Variants in RBBP9 observed in about 807,000 individuals in gnomAD.
RBBP9 encodes the protein serine hydrolase RBBP9.
Under a neutral mutation model 24.2 loss-of-function variants are expected in RBBP9, and 20 were observed. The ratio of observed to expected loss-of-function variants is 0.83; its 90% CI spans 0.58 to 1.20. The LOEUF (loss-of-function observed/expected upper bound fraction) is 1.20. Ranked by LOEUF, RBBP9 falls within the 50% of genes most tolerant of loss-of-function variation. The pLI, the probability that RBBP9 is intolerant of heterozygous loss-of-function variation, is 0.00. For missense variants in RBBP9, 234 were observed against 233.6 expected (o/e 1.00, Z -0.01); for synonymous variants, 74 against 84.6 (o/e 0.87, Z 0.69).
Position 18,489,898 on chromosome 20 carries a change from A to C in RBBP9, c.427T>G (p.Trp143Gly). The change falls in exon 5 of 5, where the codon TGG becomes GGG. Residue 143 changes from tryptophan (W) to glycine (G), a missense_variant. Transcript: ENST00000337227. ...TCGGCCACTTCTTGTTGTTCCTTCC[A>C]GGGAAGGAACGGGTCGTCAGTAGAG... is the stretch of plus-strand genomic sequence containing the variant. ...FGSTDDPFLP[W>G]KEQQEVADRL... is the part of the protein sequence containing the mutation. The C allele has an allele frequency of 1.2e-6, 2 of 1,613,414 alleles. No individual in the cohort carries two copies. Among genetic ancestry groups the C allele is most frequent in the Non-Finnish European group, 1.7e-6 (2 of 1,179,386 alleles).
Position 18,489,691 on chromosome 20 carries a change from G to A in RBBP9, c.*73C>T. 2 of 995,974 alleles carry A rather than the reference G, an allele frequency of 2.0e-6. No homozygotes were observed. The highest frequency in any genetic ancestry group is 1.5e-6 in the Non-Finnish European group (1 of 650,344). The allele number at this position is 995,974 out of a possible 1,614,324, so 61.7% of individuals were successfully genotyped here. On this transcript the variant is annotated 3_prime_UTR_variant, in exon 5 of 5. Transcript: ENST00000337227. ...CGGAACTTAACTGGATGTTCTATGT[G>A]TCTAGTAATCAGCTGATAGTAGATA... is the stretch of plus-strand genomic sequence containing the variant.
Position 18,497,088 on chromosome 20 carries a change from A to G in RBBP9, c.80T>C (p.Val27Ala). 3 of 1,590,834 alleles carry G rather than the reference A, an allele frequency of 1.9e-6. No individual in the cohort carries two copies. The highest frequency in any genetic ancestry group is 2.6e-6 in the Non-Finnish European group (3 of 1,170,774). ...DVTTHGWYGW[V>A]KKELEKIPGF... is the part of the protein sequence containing the mutation. ...GCTTACCTTCTCCAGCTCCTTTTTC[A>G]CCCAGCCATACCAGCCGTGGGTGGT... Residue 27 changes from valine (V) to alanine (A), a missense_variant, in exon 1 of 5, where the codon GTG (valine) becomes GCG (alanine). By Grantham distance (64) the Val-to-Ala change is moderately conservative (BLOSUM62 0). Transcript: ENST00000337227.
intron 3 of RBBP9, among the ~76,000 whole-genome samples, chr20:18,491,241 C>T (rs560666996): frequency 4.6e-5 from 7 of 152,156 alleles, no homozygotes; most frequent in Non-Finnish European, 7.3e-5. Flanking sequence ...CTGTATAATA[C>T]CAGAAATGTA....
intron 3 of RBBP9, among the ~76,000 whole-genome samples, chr20:18,491,082 G>A (rs1011615154): frequency 4.6e-5 from 7 of 152,218 alleles, no homozygotes; most frequent in African/African-American, 1.7e-4. Flanking sequence ...CACTTGGTTG[G>A]TGAACATGCA....
At chr20:18,496,992 A>G in intron 1 of RBBP9, 77 bp downstream of exon 1, 1 of 1,250,904 alleles carries the variant, frequency 8.0e-7, no homozygotes, top group Non-Finnish European at 1.2e-6. Flanking sequence ...ACGCCTATTC[A>G]AACTTCAGCC....
In RBBP9 at chr20:18,489,872, A is replaced by G; in HGVS notation, c.453T>C (p.Asp151=). The part of the protein sequence containing the change: ...LPWKEQQEVA[D]RLETKLHKFT... ...ATTTGTGCAATTTGGTTTCCAACCT[A>G]TCGGCCACTTCTTGTTGTTCCTTCC... Residue 151 remains aspartate, a synonymous_variant, in exon 5 of 5, where the codon GAT becomes GAC. Coordinates refer to ENST00000337227, the MANE Select transcript of RBBP9 (RefSeq NM_006606.3). 2 of 1,614,002 alleles carry G rather than the reference A, an allele frequency of 1.2e-6. No individual in the cohort carries two copies. Among genetic ancestry groups the G allele is most frequent in the Non-Finnish European group, 1.7e-6 (2 of 1,179,918 alleles).
intron 2 of RBBP9, 24 bp downstream of exon 2, chr20:18,495,814 T>A: frequency 6.5e-7 from 1 of 1,538,596 alleles, no homozygotes; most frequent in South Asian, 1.1e-5. Context: ...GATGAGGCTA[T>A]TTAAAAACAA....
intron 3 of RBBP9, among the ~76,000 whole-genome samples, chr20:18,491,955 G>A (rs564786009): frequency 1.2e-4 from 18 of 152,036 alleles, no homozygotes; most frequent in African/African-American, 4.1e-4. Context: ...AAATTAGCCA[G>A]GTGTGGTGGC....
chr20:18,494,307 C>T (rs1330843005), intron 2 of RBBP9, among the ~76,000 whole-genome samples: 5 of 122,626 alleles, frequency 4.1e-5, no homozygotes, highest in Non-Finnish European at 8.1e-5. Context: ...TTTTGGTTTA[C>T]CATGTTCTTG....
chr20:18,491,216 G>A (rs768157049), intron 3 of RBBP9, among the ~76,000 whole-genome samples: 1 of 152,208 alleles, frequency 6.6e-6, no homozygotes, highest in Admixed American at 6.5e-5. Flanking sequence ...TCTGTGAACT[G>A]TATTTTAAGA....
intron 1 of RBBP9, among the ~76,000 whole-genome samples, chr20:18,496,498 G>C (rs912547980): frequency 1.3e-5 from 2 of 152,142 alleles, no homozygotes; most frequent in East Asian, 3.8e-4. Context: ...TGTTTAAAAG[G>C]TATATTCATA....
In RBBP9 at chr20:18,488,313, G is replaced by A. The variant is rs893558353; in HGVS notation, c.*1451C>T. The A allele has an allele frequency of 6.6e-6, 1 of 151,926 alleles. No individual in the cohort carries two copies. The highest frequency in any genetic ancestry group is 2.4e-5 in the African/African-American group (1 of 41,320). The allele number at this position is 151,926 out of a possible 1,614,324, so 9.4% of individuals were successfully genotyped here. ...GACAGGTTCTTCGCTCCATCACCCAGGATGGAGTACAGTGGCGCGATCATA... is the reference window on the plus strand; with the variant it reads ...GACAGGTTCTTCGCTCCATCACCCAAGATGGAGTACAGTGGCGCGATCATA... On this transcript the variant is annotated 3_prime_UTR_variant, in exon 5 of 5. Coordinates refer to ENST00000337227, the MANE Select transcript of RBBP9 (RefSeq NM_006606.3).
rs185679612 is a variant in RBBP9 at position 18,492,530 on chromosome 20, A to G, written c.248+1428T>C. ...GGTGATGCTGTGTCCTTCCCATGCC[A>G]TTACATCAGGGGACACATGATGCCA... is the stretch of plus-strand genomic sequence containing the variant. On this transcript the variant is annotated intron_variant, in intron 3 of 4. Coordinates refer to ENST00000337227, the MANE Select transcript of RBBP9 (RefSeq NM_006606.3). Among the ~76,000 whole-genome samples, 13 of 152,314 alleles carry G rather than the reference A, an allele frequency of 8.5e-5. No individual in the cohort carries two copies. The East Asian group carries it at 2.1e-3, about 25-fold the overall frequency.
chr20:18,486,753 A>C lies in RBBP9; in HGVS notation c.*3011T>G, dbSNP rs41276442. On this transcript the variant is annotated 3_prime_UTR_variant, in exon 5 of 5. Coordinates refer to ENST00000337227, the MANE Select transcript of RBBP9 (RefSeq NM_006606.3). Reference sequence around the variant, plus strand: ...TAATACTTACAGTTGATTTCCATTCAGTATTCGGTATTTTGCTCACCTGAG... The same window carrying C: ...TAATACTTACAGTTGATTTCCATTCCGTATTCGGTATTTTGCTCACCTGAG... 0.012 allele frequency: 1,771 copies of C among 152,318 alleles called. 14 individuals are homozygous for C. The highest frequency in any genetic ancestry group is 0.017 in the Non-Finnish European group (1,180 of 68,028). The allele number at this position is 152,318 out of a possible 1,614,324, so 9.4% of individuals were successfully genotyped here.
chr20:18,493,314 T>G (rs11087256), intron 3 of RBBP9, among the ~76,000 whole-genome samples: 62,808 of 152,004 alleles, frequency 0.41, 13,460 homozygotes, highest in Non-Finnish European at 0.47. Flanking sequence ...CCAGGCTCTC[T>G]TCTAGGCAAT....
chr20:18,490,008 T>A lies in RBBP9; in HGVS notation c.335-18A>T, dbSNP rs773193704. 1.9e-6 allele frequency: 3 copies of A among 1,542,812 alleles called. No homozygotes were observed. Among genetic ancestry groups the A allele is most frequent in the South Asian group, 2.3e-5 (2 of 87,652 alleles). ...GAAGTATCCTATGGGGAAAAAAAAATGATCTTTCAGTACCCATGGATAATC... is the reference window on the plus strand; with the variant it reads ...GAAGTATCCTATGGGGAAAAAAAAAAGATCTTTCAGTACCCATGGATAATC... On this transcript the variant is annotated intron_variant, in intron 4 of 4. Coordinates refer to ENST00000337227, the MANE Select transcript of RBBP9 (RefSeq NM_006606.3).
chr20:18,490,512 A>G, intron 3 of RBBP9, 32 bp from the exon 4 acceptor site: 1 of 1,508,338 alleles, frequency 6.6e-7, no homozygotes, highest in Non-Finnish European at 9.2e-7. Flanking sequence ...CAGCTAATAT[A>G]TAATGTTACC....
intron 2 of RBBP9, among the ~76,000 whole-genome samples, chr20:18,494,466 G>A (rs1392880585): frequency 6.6e-6 from 1 of 151,788 alleles, no homozygotes; most frequent in Non-Finnish European, 1.5e-5. Context: ...ATCATTTGAG[G>A]TCAGGAGTTC....
intron 1 of RBBP9, 87 bp downstream of exon 1, chr20:18,496,982 A>C (rs2059888923): frequency 1.9e-6 from 2 of 1,045,068 alleles, no homozygotes; most frequent in Non-Finnish European, 2.9e-6. Flanking sequence ...AGGGGATTAG[A>C]CGCCTATTCA....
Sources: allele counts gnomAD v4.1 joint callset (sites outside exome capture counted in the v4.1 genomes callset), GRCh38; gene constraint gnomAD v4.1.1; transcripts MANE v1.5; gene names NCBI Gene and HGNC (gene_info 2026-07-23, HGNC 2026-07-21).